PHF12: variants seen among roughly 807,000 people sequenced by gnomAD.
PHF12 encodes PHD finger protein 12.
PHF12 carries 6 observed loss-of-function variants against 99.8 expected under a neutral mutation model. The ratio of observed to expected loss-of-function variants is 0.06; its 90% confidence interval spans 0.03 to 0.12. The LOEUF (loss-of-function observed/expected upper bound fraction) is 0.12. PHF12 is among the 10% of genes least tolerant of loss of function. The pLI is 1.00. For synonymous variants in PHF12, 480 were observed against 514.9 expected (o/e 0.93, Z 0.92); for missense variants, 954 against 1,300.1 (o/e 0.73, Z 4.09).
intron 8 of PHF12, 84 bp from the exon 9 acceptor site, chr17:28,913,361 G>A (rs990289616): frequency 3.3e-6 from 5 of 1,516,976 alleles, no homozygotes; most frequent in African/African-American, 2.8e-5. Flanking sequence ...CTGCAGCAGA[G>A]CTGACAAGCA....
At chr17:28,935,315 AG>A (rs573763962) in intron 2 of PHF12, among the ~76,000 whole-genome samples, 52 of 152,244 alleles carry the variant, frequency 3.4e-4, no homozygotes, top group Admixed American at 8.5e-4. Flanking sequence ...TCTGTCGCCC[AG>A]GCTGGAATGC....
chr17:28,942,758 G>C (rs2040642506), intron 2 of PHF12, among the ~76,000 whole-genome samples: 1 of 152,120 alleles, frequency 6.6e-6, no homozygotes, highest in South Asian at 2.1e-4. Context: ...GAAGGTTGCA[G>C]TGAGCTGAGA....
At position 28,912,710 on chromosome 17, in the gene PHF12, C is replaced by T; in HGVS notation, c.1861G>A (p.Val621Ile). Residue 621 changes from valine (V) to isoleucine (I), a missense_variant, in exon 9 of 15, where the codon GTC (valine) becomes ATC (isoleucine). Val to Ile is a conservative substitution (Grantham distance 29, BLOSUM62 3). Transcript: ENST00000332830. ...SSCPQRSLVPVPSLPPSIPSS... is the reference protein window; with the variant it reads ...SSCPQRSLVPIPSLPPSIPSS... Reference sequence around the variant, plus strand: ...GGAATGGAAGGGGGCAGGCTTGGGACAGGAACCAAACTCCTCTGGGGGCAA... The same window carrying T: ...GGAATGGAAGGGGGCAGGCTTGGGATAGGAACCAAACTCCTCTGGGGGCAA... 6.2e-7 allele frequency: 1 copy of T among 1,614,224 alleles called. No individual in the cohort carries two copies. The highest frequency in any genetic ancestry group is 8.5e-7 in the Non-Finnish European group (1 of 1,180,040).
At chr17:28,919,971 C>T (rs1157869313) in intron 5 of PHF12, among the ~76,000 whole-genome samples, 3 of 152,098 alleles carry the variant, frequency 2.0e-5, no homozygotes, top group South Asian at 2.1e-4. Flanking sequence ...AAAGAGAGAG[C>T]CTACTTCATT....
At chr17:28,933,376 A>G (rs1373721258) in intron 2 of PHF12, among the ~76,000 whole-genome samples, 5 of 152,230 alleles carry the variant, frequency 3.3e-5, no homozygotes, top group Non-Finnish European at 5.9e-5. Context: ...ATACTGTGAG[A>G]TAATTCTTAT....
At chr17:28,936,682 C>T (rs1025413996) in intron 2 of PHF12, among the ~76,000 whole-genome samples, 4 of 152,184 alleles carry the variant, frequency 2.6e-5, no homozygotes, top group African/African-American at 9.7e-5. Flanking sequence ...TTCACTGCCC[C>T]TATCATCATC....
In PHF12 at chr17:28,927,079, A is replaced by G; in HGVS notation, c.249-16T>C. 1 of 1,609,350 alleles carries G rather than the reference A, an allele frequency of 6.2e-7. No homozygotes were observed. Among genetic ancestry groups the G allele is most frequent in the Non-Finnish European group, 8.5e-7 (1 of 1,175,870 alleles). ...TGGAGGGTTACTGTGGGGAACAGAC[A>G]AGGGCAAGACTAAATAACTAGCCCT... On this transcript the variant is annotated splice_polypyrimidine_tract_variant and intron_variant, in intron 2 of 14. Coordinates refer to ENST00000332830, the MANE Select transcript of PHF12 (RefSeq NM_001033561.2).
chr17:28,941,707 G>A (rs1033792864), intron 2 of PHF12, among the ~76,000 whole-genome samples: 5 of 151,968 alleles, frequency 3.3e-5, no homozygotes, highest in African/African-American at 9.7e-5. Flanking sequence ...GGGTTCAAGC[G>A]ATTCTCCTGC....
intron 5 of PHF12, among the ~76,000 whole-genome samples, chr17:28,920,959 C>T (rs1475070763): frequency 4.6e-5 from 7 of 151,960 alleles, no homozygotes; most frequent in Non-Finnish European, 8.8e-5. Context: ...CTGCAAGCTC[C>T]GCCTCCCAGG....
At chr17:28,947,698 A>G (rs1390838994) in intron 2 of PHF12, among the ~76,000 whole-genome samples, 1 of 152,226 alleles carries the variant, frequency 6.6e-6, no homozygotes, top group Non-Finnish European at 1.5e-5. Context: ...CGTCTAGGGA[A>G]TACCTACTTA....
chr17:28,912,530 A>T lies in PHF12; in HGVS notation c.2041T>A (p.Leu681Met). Residue 681 changes from leucine (L) to methionine (M), a missense_variant, in exon 9 of 15, where the codon TTG becomes ATG. Coordinates refer to ENST00000332830, the MANE Select transcript of PHF12 (RefSeq NM_001033561.2). ...TPPQAAGDGI[L>M]ATTANQRFSS... ...AATCGTTGGTTGGCTGTTGTGGCCA[A>T]GATACCATCTCCTGCTGCTTGCGGG... is the stretch of plus-strand genomic sequence containing the variant. The T allele has an allele frequency of 1.9e-6, 3 of 1,611,964 alleles. No homozygotes were observed. Among genetic ancestry groups the T allele is most frequent in the Non-Finnish European group, 2.5e-6 (3 of 1,178,140 alleles).
intron 7 of PHF12, among the ~76,000 whole-genome samples, chr17:28,914,671 CAA>C (rs61203588): frequency 3.4e-3 from 103 of 30,316 alleles, no homozygotes; most frequent in African/African-American, 9.5e-3. Flanking sequence ...GACTCCGTCT[CAA>C]AAAAAAAAAA....
At chr17:28,913,660 G>C (rs1393208244) in intron 8 of PHF12, among the ~76,000 whole-genome samples, 1 of 152,192 alleles carries the variant, frequency 6.6e-6, no homozygotes, top group East Asian at 1.9e-4. Flanking sequence ...AGTGCACTGG[G>C]GTAACGATGG....
At chr17:28,927,177 G>A in intron 2 of PHF12, 114 bp from the exon 3 acceptor site, 1 of 907,590 alleles carries the variant, frequency 1.1e-6, no homozygotes. Flanking sequence ...CTGCAGGACT[G>A]CTAGGGTTGT....
chr17:28,929,329 G>A (rs1486043997), intron 2 of PHF12, among the ~76,000 whole-genome samples: 3 of 151,028 alleles, frequency 2.0e-5, no homozygotes, highest in Non-Finnish European at 4.4e-5. Flanking sequence ...TGCAACCTCC[G>A]CCTCCCATGT....
intron 2 of PHF12, among the ~76,000 whole-genome samples, chr17:28,931,650 C>T (rs950283345): frequency 3.4e-5 from 5 of 145,286 alleles, no homozygotes; most frequent in Non-Finnish European, 7.6e-5. Flanking sequence ...GGCGTGATCT[C>T]GGCTCACTGC....
intron 7 of PHF12, among the ~76,000 whole-genome samples, chr17:28,915,661 G>A (rs1348495860): frequency 6.6e-6 from 1 of 152,144 alleles, no homozygotes; most frequent in Non-Finnish European, 1.5e-5. Flanking sequence ...GAAGAGTGAA[G>A]GGCTAAGTGG....
chr17:28,921,547 C>G, intron 5 of PHF12, 141 bp downstream of exon 5: 1 of 1,081,190 alleles, frequency 9.2e-7, no homozygotes, highest in Non-Finnish European at 1.3e-6. Flanking sequence ...TCTCGTCAGT[C>G]CATTAGTTAG....
At chr17:28,914,890 C>T (rs1436744732) in intron 7 of PHF12, among the ~76,000 whole-genome samples, 6 of 152,144 alleles carry the variant, frequency 3.9e-5, no homozygotes, top group African/African-American at 1.4e-4. Context: ...ATTCAACCAA[C>T]ATTTATTGAG....
Sources: gnomAD v4.1 joint callset for allele counts (sites outside exome capture counted in the v4.1 genomes callset) on GRCh38, gnomAD v4.1.1 for gene constraint, MANE v1.5 for transcripts, NCBI Gene and HGNC (gene_info 2026-07-23, HGNC 2026-07-21) for gene names.